LRP2: variants seen among roughly 807,000 people sequenced by gnomAD.
LRP2 encodes the protein low-density lipoprotein receptor-related protein 2.
Under a neutral mutation model 531.0 loss-of-function variants are expected in LRP2, and 172 were observed. That is an observed-to-expected ratio of 0.32 (90% confidence interval 0.29 to 0.37). The LOEUF (loss-of-function observed/expected upper bound fraction) is 0.37. Among genes scored for constraint, LRP2 ranks in the 10% least tolerant of loss-of-function variants. The probability of loss-of-function intolerance (pLI) is 1.00; values close to 1 mark genes in which losing one functional copy is unlikely to be tolerated. For synonymous variants in LRP2, 1,992 were observed against 2,027.6 expected, an observed-to-expected ratio of 0.98 and a Z score of 0.47; for missense variants, 5,167 against 5,868.3, an observed-to-expected ratio of 0.88 and a Z score of 3.90.
At chr2:169,347,070 C>A (rs968656563) in intron 1 of LRP2, among the ~76,000 whole-genome samples, 2 of 152,166 alleles carry the variant, frequency 1.3e-5, no homozygotes, top group South Asian at 2.1e-4. Flanking sequence ...CCTCTAGTAC[C>A]TTCTTTCCCT....
In LRP2 at chr2:169,198,812, T is replaced by C; in HGVS notation, c.8552A>G (p.Asn2851Ser). The C allele has an allele frequency of 6.2e-7, 1 of 1,613,986 alleles. No individual in the cohort carries two copies. Among genetic ancestry groups the C allele is most frequent in the Non-Finnish European group, 8.5e-7 (1 of 1,179,882 alleles). The change falls in exon 45 of 79, where the codon AAC becomes AGC. Residue 2851 changes from asparagine to serine, a missense_variant. Coordinates refer to ENST00000649046, the MANE Select transcript of LRP2 (RefSeq NM_004525.3). ...GCAATAAGTAGGGTTTTCATCACTG[T>C]TATCTCCACAGTCATTGTCTCCGTC... ...LCDGDNDCGD[N>S]SDENPTYCTT... is the part of the protein sequence containing the mutation.
Position 169,204,005 on chromosome 2 carries a change from C to A in LRP2, c.7982G>T (p.Gly2661Val). The A allele has an allele frequency of 6.2e-7, 1 of 1,614,158 alleles. No homozygotes were observed. Among genetic ancestry groups the A allele is most frequent in the Non-Finnish European group, 8.5e-7 (1 of 1,180,000 alleles). Residue 2661 changes from glycine to valine, a missense_variant, in exon 42 of 79, where the codon GGC becomes GTC. By Grantham distance (109) the Gly-to-Val change is moderately radical (BLOSUM62 -3). Coordinates refer to ENST00000649046, the MANE Select transcript of LRP2 (RefSeq NM_004525.3). Reference protein sequence around the residue: ...CNNPCEQFNGGCSHICAPGPN... With the variant: ...CNNPCEQFNGVCSHICAPGPN... Reference sequence around the variant, plus strand: ...ACCTGGTGCACAGATATGGCTGCAGCCCCCATTAAACTGTTCACAAGGATT... The same window carrying A: ...ACCTGGTGCACAGATATGGCTGCAGACCCCATTAAACTGTTCACAAGGATT...
intron 16 of LRP2, 98 bp downstream of exon 16, chr2:169,270,806 A>G (rs578023781): frequency 5.4e-6 from 3 of 552,722 alleles, no homozygotes; most frequent in East Asian, 3.4e-5. Flanking sequence ...CTGCTTAAAA[A>G]TTAGATACTG....
chr2:169,189,098 A>G (rs1214072391), intron 48 of LRP2, among the ~76,000 whole-genome samples: 1 of 152,224 alleles, frequency 6.6e-6, no homozygotes, highest in African/African-American at 2.4e-5. Flanking sequence ...TATTACTCCA[A>G]GATCCCATAA....
At chr2:169,171,982 G>A in intron 58 of LRP2, 33 bp downstream of exon 58, 2 of 1,613,332 alleles carry the variant, frequency 1.2e-6, no homozygotes, top group Non-Finnish European at 1.7e-6. Context: ...AGCTCTGGTG[G>A]TATATAAGGA....
Position 169,137,383 on chromosome 2 carries a change from G to C in LRP2, c.13620+9C>G. The C allele has an allele frequency of 6.3e-7, 1 of 1,588,222 alleles. No individual in the cohort carries two copies. Among genetic ancestry groups the C allele is most frequent in the East Asian group, 2.2e-5 (1 of 44,758 alleles). On this transcript the variant is annotated intron_variant, in intron 76 of 78. Transcript: ENST00000649046. ...AGTAACTGAAAGAAAAGACTGTATG[G>C]TTTCTCACCTGGATTGGCTGAACCA...
At chr2:169,284,149 TG>T (rs1683777928) in intron 9 of LRP2, among the ~76,000 whole-genome samples, 1 of 152,092 alleles carries the variant, frequency 6.6e-6, no homozygotes, top group African/African-American at 2.4e-5. Context: ...TTGCAGCAAC[TG>T]TCAGAGTTGT....
intron 40 of LRP2, 150 bp from the exon 41 acceptor site, chr2:169,205,787 A>T: frequency 1.0e-6 from 1 of 953,626 alleles, no homozygotes; most frequent in Non-Finnish European, 1.6e-6. Flanking sequence ...TCCAAAGGAG[A>T]TCTAGTAAGT....
chr2:169,334,437 T>A (rs1685348041), intron 1 of LRP2, among the ~76,000 whole-genome samples: 1 of 152,210 alleles, frequency 6.6e-6, no homozygotes, highest in Non-Finnish European at 1.5e-5. Flanking sequence ...GCCATCTCAA[T>A]TCTGGGTGTT....
chr2:169,320,499 C>T (rs1684880611), intron 2 of LRP2, among the ~76,000 whole-genome samples: 1 of 152,072 alleles, frequency 6.6e-6, no homozygotes, highest in Admixed American at 6.6e-5. Flanking sequence ...AAAACTGCAC[C>T]CAAATATGTT....
intron 1 of LRP2, 88 bp from the exon 2 acceptor site, chr2:169,320,972 T>C (rs1255596479): frequency 2.3e-6 from 2 of 885,464 alleles, no homozygotes; most frequent in East Asian, 2.6e-5. Flanking sequence ...TGAAAAATTA[T>C]TCAACTAATT....
At chr2:169,174,559 G>A (rs2105282819) in intron 55 of LRP2, among the ~76,000 whole-genome samples, 1 of 152,302 alleles carries the variant, frequency 6.6e-6, no homozygotes, top group Admixed American at 6.5e-5. Context: ...GAGACCAAGT[G>A]AGTGCAGTGG....
At chr2:169,215,199 C>T (rs1227436215) in intron 35 of LRP2, among the ~76,000 whole-genome samples, 4 of 152,186 alleles carry the variant, frequency 2.6e-5, no homozygotes, top group African/African-American at 7.2e-5. Flanking sequence ...GAAGTTAGTA[C>T]TTGTTGAACA....
At chr2:169,175,161 C>T (rs752063920) in intron 55 of LRP2, 32 bp downstream of exon 55, 11 of 1,603,068 alleles carry the variant, frequency 6.9e-6, no homozygotes, top group African/African-American at 4.0e-5. Flanking sequence ...ACATAGAAGT[C>T]GGAAAAAGAG....
At chr2:169,268,492 A>G (rs530310186) in intron 16 of LRP2, among the ~76,000 whole-genome samples, 3 of 152,346 alleles carry the variant, frequency 2.0e-5, no homozygotes, top group African/African-American at 4.8e-5. Flanking sequence ...TATAAACAGA[A>G]CCAAAGACAA....
chr2:169,361,116 G>A (rs1686136672), intron 1 of LRP2, among the ~76,000 whole-genome samples: 1 of 152,132 alleles, frequency 6.6e-6, no homozygotes, highest in Admixed American at 6.5e-5. Flanking sequence ...GAGGGAAGGA[G>A]CAGGAGGGGA....
chr2:169,241,534 T>A (rs577572452), intron 24 of LRP2, among the ~76,000 whole-genome samples, 169 bp from the exon 25 acceptor site: 1 of 152,350 alleles, frequency 6.6e-6, no homozygotes, highest in Non-Finnish European at 1.5e-5. Context: ...CACACTCTAG[T>A]ACATAGAAAT....
intron 63 of LRP2, among the ~76,000 whole-genome samples, chr2:169,158,099 A>ACACACACAC (rs1201261967): frequency 2.7e-5 from 2 of 73,388 alleles, no homozygotes; most frequent in African/African-American, 5.2e-5. Context: ...CACACACACA[A>ACACACACAC]ATATATACAT....
chr2:169,204,132 T>C lies in LRP2; in HGVS notation c.7855A>G (p.Asn2619Asp), dbSNP rs1397132722. Residue 2619 changes from asparagine (N) to aspartate (D), a missense_variant, in exon 42 of 79, where the codon AAC becomes GAC. By Grantham distance (23) the Asn-to-Asp change is conservative. Around this residue, in one of 6 missense-constraint regions of LRP2, gnomAD observed 1,129 missense variants for 1,362.7 expected, o/e 0.83. Transcript: ENST00000649046. The stretch of plus-strand genomic sequence containing the variant: ...ATCTGACCTGACCCGTCATATTTGT[T>C]AGCTCGGTAAATTCTTTGTGTGTAC... The part of the protein sequence containing the change: ...DLYTQRIYRA[N>D]KYDGSGQIAM... 7 of 1,614,192 alleles carry C rather than the reference T, an allele frequency of 4.3e-6. No individual in the cohort carries two copies. Among genetic ancestry groups the C allele is most frequent in the Admixed American group, 1.7e-5 (1 of 60,022 alleles).
Sources: gnomAD v4.1 joint callset for allele counts (sites outside exome capture counted in the v4.1 genomes callset) on GRCh38, gnomAD v4.1.1 for gene constraint, gnomAD v4.1.1 regional missense constraint, MANE v1.5 for transcripts, NCBI Gene and HGNC (gene_info 2026-07-23, HGNC 2026-07-21) for gene names.